Variants in MALRD1 observed in about 807,000 individuals in gnomAD.
The protein encoded by MALRD1 is MAM and LDL receptor class A domain containing 1, also known as MAM and LDL-receptor class A domain-containing protein 1.
Under a neutral mutation model 242.1 loss-of-function variants are expected in MALRD1, and 247 were observed. The ratio of observed to expected loss-of-function variants is 1.02; its 90% CI spans 0.92 to 1.13. The LOEUF (loss-of-function observed/expected upper bound fraction) is 1.13, where lower values mean the gene tolerates loss of function less well. Ranked by LOEUF, MALRD1 falls within the 50% of genes most tolerant of loss-of-function variation. MALRD1 has a pLI of 0.00. For missense variants in MALRD1, 2,989 were observed against 2,533.1 expected, an observed-to-expected ratio of 1.18 and a Z score of -3.86; for synonymous variants, 995 against 866.6, an observed-to-expected ratio of 1.15 and a Z score of -2.60.
chr10:19,113,645 C>T (rs1158624247), intron 5 of MALRD1, among the ~76,000 whole-genome samples: 1 of 151,244 alleles, frequency 6.6e-6, no homozygotes, highest in Admixed American at 6.6e-5. Flanking sequence ...CCTTTTCTTT[C>T]TTTCTTTCTT....
chr10:19,479,389 G>A (rs1278974295), intron 29 of MALRD1, among the ~76,000 whole-genome samples: 1 of 152,146 alleles, frequency 6.6e-6, no homozygotes, highest in African/African-American at 2.4e-5. Context: ...TGAGTTATAG[G>A]AATCCATATT....
chr10:19,571,504 C>T (rs576263011), intron 33 of MALRD1, among the ~76,000 whole-genome samples: 7 of 152,012 alleles, frequency 4.6e-5, no homozygotes, highest in East Asian at 3.9e-4. Context: ...TTCTTTTTCA[C>T]GTAAAATTTA....
intron 29 of MALRD1, among the ~76,000 whole-genome samples, chr10:19,468,738 T>C (rs1836349755): frequency 6.6e-6 from 1 of 152,062 alleles, no homozygotes; most frequent in Admixed American, 6.6e-5. Context: ...TGAAAGACTC[T>C]GTATCTCTAG....
chr10:19,588,130 A>C (rs1053396123), intron 33 of MALRD1, among the ~76,000 whole-genome samples: 1 of 152,090 alleles, frequency 6.6e-6, no homozygotes, highest in Non-Finnish European at 1.5e-5. Flanking sequence ...TTATAAGTTT[A>C]TATTCAAATA....
intron 32 of MALRD1, among the ~76,000 whole-genome samples, chr10:19,537,070 A>G (rs2131366113): frequency 6.6e-6 from 1 of 152,362 alleles, no homozygotes; most frequent in East Asian, 1.9e-4. Context: ...GAGGGCTGGC[A>G]TAGCTGGAAC....
At chr10:19,215,730 A>AGTTT (rs1588709160) in intron 18 of MALRD1, among the ~76,000 whole-genome samples, 2 of 115,452 alleles carry the variant, frequency 1.7e-5, no homozygotes, top group Non-Finnish European at 3.9e-5. Flanking sequence ...AATTAGTATA[A>AGTTT]ATAATTTAGT....
intron 38 of MALRD1, among the ~76,000 whole-genome samples, chr10:19,717,150 C>G (rs915152780): frequency 6.6e-6 from 1 of 152,110 alleles, no homozygotes; most frequent in Non-Finnish European, 1.5e-5. Flanking sequence ...GTTTTTCTGT[C>G]AGTAATTCTT....
At chr10:19,709,722 A>G (rs1048728433) in intron 38 of MALRD1, among the ~76,000 whole-genome samples, 5 of 152,158 alleles carry the variant, frequency 3.3e-5, no homozygotes, top group Admixed American at 6.6e-5. Flanking sequence ...TCTTTGCATT[A>G]CAACTCCCTG....
chr10:19,552,960 T>C (rs1201244887), intron 32 of MALRD1, among the ~76,000 whole-genome samples: 1 of 152,078 alleles, frequency 6.6e-6, no homozygotes. Context: ...CAAATTTTAA[T>C]ATGCAAGTGT....
intron 34 of MALRD1, 24 bp downstream of exon 34, chr10:19,595,481 T>C: frequency 2.0e-6 from 3 of 1,538,042 alleles, no homozygotes; most frequent in Non-Finnish European, 2.6e-6. Context: ...ACTAACTCAA[T>C]GTGTAAGGGA....
chr10:19,403,775 A>G (rs1260010136), intron 28 of MALRD1, among the ~76,000 whole-genome samples: 6 of 152,154 alleles, frequency 3.9e-5, no homozygotes, highest in Non-Finnish European at 8.8e-5. Context: ...TGGCTCCTGA[A>G]TGATGAAAGA....
intron 31 of MALRD1, among the ~76,000 whole-genome samples, chr10:19,525,954 C>A (rs952759500): frequency 1.1e-4 from 17 of 152,110 alleles, no homozygotes; most frequent in Non-Finnish European, 1.9e-4. Context: ...CTATAAATAG[C>A]TGTTCTGTGA....
intron 36 of MALRD1, among the ~76,000 whole-genome samples, chr10:19,627,775 A>G (rs1283320683): frequency 6.7e-6 from 1 of 149,804 alleles, no homozygotes; most frequent in Non-Finnish European, 1.5e-5. Context: ...AAAAAAAAAA[A>G]AAAGGAAAAA....
chr10:19,389,877 AT>A (rs1846263434), intron 28 of MALRD1, among the ~76,000 whole-genome samples: 1 of 152,148 alleles, frequency 6.6e-6, no homozygotes, highest in Non-Finnish European at 1.5e-5. Context: ...GCCCAGGCTT[AT>A]CTCAAATTCC....
chr10:19,441,535 C>T (rs191707370), intron 28 of MALRD1, among the ~76,000 whole-genome samples: 1 of 152,122 alleles, frequency 6.6e-6, no homozygotes, highest in Non-Finnish European at 1.5e-5. Context: ...TGAGGAAGGG[C>T]TCCACTTTCA....
rs1410695689 is a variant in MALRD1, at chr10:19,387,710, T to G, written c.4624T>G (p.Leu1542Val). The G allele has an allele frequency of 6.5e-7, 1 of 1,550,292 alleles. No individual in the cohort carries two copies. Among genetic ancestry groups the G allele is most frequent in the Non-Finnish European group, 8.7e-7 (1 of 1,146,874 alleles). ...CCAGGCTGACAACTTTGATTGGGTT[T>G]TAGGGGTTGGCTCTCATCAAAGCTT... The part of the protein sequence containing the change: ...NSQADNFDWV[L>V]GVGSHQSLRP... Residue 1542 changes from leucine (L) to valine (V), a missense_variant, in exon 27 of 40, where the codon TTA becomes GTA. Transcript: ENST00000454679.
At chr10:19,445,852 A>G (rs946931494) in intron 28 of MALRD1, among the ~76,000 whole-genome samples, 3 of 152,194 alleles carry the variant, frequency 2.0e-5, no homozygotes, top group African/African-American at 4.8e-5. Context: ...TAAGTCTGCA[A>G]AAGTTTCTGC....
chr10:19,354,461 AT>A (rs1844532814), intron 26 of MALRD1, among the ~76,000 whole-genome samples: 2 of 152,196 alleles, frequency 1.3e-5, no homozygotes, highest in African/African-American at 4.8e-5. Flanking sequence ...TGAACACTAG[AT>A]TGTATTCCTT....
intron 28 of MALRD1, among the ~76,000 whole-genome samples, chr10:19,400,861 C>G (rs1369303730): frequency 6.6e-6 from 1 of 151,818 alleles, no homozygotes; most frequent in African/African-American, 2.4e-5. Flanking sequence ...AGTAAAAATA[C>G]AAAAATTAGC....
Sources: gnomAD v4.1 joint callset for allele counts (sites outside exome capture counted in the v4.1 genomes callset) on GRCh38, gnomAD v4.1.1 for gene constraint, MANE v1.5 for transcripts, NCBI Gene and HGNC (gene_info 2026-07-23, HGNC 2026-07-21) for gene names.